WWOX: variants seen among roughly 807,000 people sequenced by gnomAD.
WWOX encodes the protein WW domain-containing oxidoreductase.
Under a neutral mutation model 46.2 loss-of-function variants are expected in WWOX, and 69 were observed. The ratio of observed to expected loss-of-function variants is 1.49; its 90% CI spans 1.23 to 1.82. WWOX has a LOEUF of 1.82. Ranked by LOEUF, WWOX falls within the 40% of genes most tolerant of loss-of-function variation. WWOX has a pLI of 0.00. For synonymous variants in WWOX, 359 were observed against 202.6 expected (o/e 1.77, Z -6.56); for missense variants, 919 against 542.6 (o/e 1.69, Z -6.89).
chr16:78,651,247 A>T (rs904836984), intron 8 of WWOX, among the ~76,000 whole-genome samples: 1 of 152,264 alleles, frequency 6.6e-6, no homozygotes, highest in African/African-American at 2.4e-5. Flanking sequence ...TGGCATGCTT[A>T]AACAAGAAAG....
intron 6 of WWOX, among the ~76,000 whole-genome samples, chr16:78,399,643 A>G (rs1597166521): frequency 1.3e-5 from 2 of 152,312 alleles, no homozygotes; most frequent in East Asian, 3.9e-4. Flanking sequence ...GGTTACTCTC[A>G]GAGAACTCTC....
intron 8 of WWOX, among the ~76,000 whole-genome samples, chr16:78,586,986 C>A (rs149408180): frequency 6.6e-6 from 1 of 152,092 alleles, no homozygotes; most frequent in Non-Finnish European, 1.5e-5. Flanking sequence ...AAAACCTCTA[C>A]TAATTCATGA....
intron 5 of WWOX, among the ~76,000 whole-genome samples, chr16:78,380,923 G>A (rs1322590374): frequency 1.3e-5 from 2 of 152,136 alleles, no homozygotes; most frequent in African/African-American, 2.4e-5. Context: ...TATATTGAGA[G>A]CCCATTGTGT....
At chr16:78,357,382 C>T (rs1418180035) in intron 5 of WWOX, among the ~76,000 whole-genome samples, 1 of 152,156 alleles carries the variant, frequency 6.6e-6, no homozygotes, top group Non-Finnish European at 1.5e-5. Flanking sequence ...TGCCATCTTG[C>T]TTCTCCCTGC....
At chr16:78,272,449 CTGGCTTAGGGGT>C (rs1206758276) in intron 5 of WWOX, among the ~76,000 whole-genome samples, 1 of 152,176 alleles carries the variant, frequency 6.6e-6, no homozygotes, top group African/African-American at 2.4e-5. Flanking sequence ...TTCTTATGGC[CTGGCTTAGGGGT>C]TGGCACAGCA....
intron 8 of WWOX, among the ~76,000 whole-genome samples, chr16:78,608,836 A>G (rs964047257): frequency 6.6e-6 from 1 of 152,078 alleles, no homozygotes; most frequent in African/African-American, 2.4e-5. Flanking sequence ...TCTAGCCTTT[A>G]TAGAAATGAC....
At position 78,723,574 on chromosome 16, in the gene WWOX, T is replaced by C. The variant is rs1240284752; in HGVS notation, c.1056+290822T>C. On this transcript the variant is annotated intron_variant, in intron 8 of 8. Transcript: ENST00000566780. Reference sequence around the variant, plus strand: ...CCAGCCTTCTTTTCTTTTCTTTTCTTTTCTTTTCTTTTCTTTTCTTTTCTT... The same window carrying C: ...CCAGCCTTCTTTTCTTTTCTTTTCTCTTCTTTTCTTTTCTTTTCTTTTCTT... Among the ~76,000 whole-genome samples, 40 of 45,938 alleles carry C rather than the reference T, an allele frequency of 8.7e-4. 1 individual carries two copies. Among genetic ancestry groups the C allele is most frequent in the African/African-American group, 4.5e-3 (37 of 8,268 alleles). The allele number at this position is 45,938 out of a possible 152,430, so 30.1% of individuals were successfully genotyped here.
intron 5 of WWOX, among the ~76,000 whole-genome samples, chr16:78,231,757 C>G (rs1315150783): frequency 6.6e-6 from 1 of 152,152 alleles, no homozygotes; most frequent in East Asian, 1.9e-4. Flanking sequence ...GTAGCTGATT[C>G]AGAGAAATCC....
At chr16:78,867,397 C>G (rs1485166736) in intron 8 of WWOX, among the ~76,000 whole-genome samples, 1 of 152,010 alleles carries the variant, frequency 6.6e-6, no homozygotes, top group Non-Finnish European at 1.5e-5. Context: ...CACATCTTAC[C>G]TCAACTGGTG....
intron 8 of WWOX, among the ~76,000 whole-genome samples, chr16:78,797,041 G>A (rs975215592): frequency 6.6e-6 from 1 of 151,938 alleles, no homozygotes; most frequent in East Asian, 1.9e-4. Flanking sequence ...GGCCAGTCTG[G>A]TCTGGAACAC....
At chr16:79,132,184 C>T (rs960700968) in intron 8 of WWOX, among the ~76,000 whole-genome samples, 1 of 151,680 alleles carries the variant, frequency 6.6e-6, no homozygotes, top group East Asian at 1.9e-4. Flanking sequence ...CTACGTCCTA[C>T]ATCCCTGTAC....
At chr16:78,590,377 A>G (rs939838844) in intron 8 of WWOX, among the ~76,000 whole-genome samples, 3 of 152,168 alleles carry the variant, frequency 2.0e-5, no homozygotes, top group Non-Finnish European at 4.4e-5. Context: ...TTATAGTATT[A>G]AGGAAGACAG....
At chr16:78,849,368 G>C (rs1433543576) in intron 8 of WWOX, among the ~76,000 whole-genome samples, 2 of 151,326 alleles carry the variant, frequency 1.3e-5, no homozygotes, top group South Asian at 4.2e-4. Context: ...TCGGGAGATC[G>C]AGACTATCCT....
chr16:78,202,737 C>G (rs2036271317), intron 5 of WWOX, among the ~76,000 whole-genome samples: 4 of 151,754 alleles, frequency 2.6e-5, no homozygotes, highest in African/African-American at 9.7e-5. Flanking sequence ...TGTCTCTGTA[C>G]TGTGTCCCCA....
chr16:78,681,368 T>C (rs2047724938), intron 8 of WWOX, among the ~76,000 whole-genome samples: 1 of 152,136 alleles, frequency 6.6e-6, no homozygotes. Flanking sequence ...CTTGCCACTA[T>C]ACATCAGTCT....
At chr16:79,085,992 C>A (rs866845337) in intron 8 of WWOX, among the ~76,000 whole-genome samples, 1 of 151,968 alleles carries the variant, frequency 6.6e-6, no homozygotes, top group African/African-American at 2.4e-5. Context: ...GGATCGCTTG[C>A]ATCCAGGAGG....
At chr16:78,631,382 C>T (rs1166127968) in intron 8 of WWOX, among the ~76,000 whole-genome samples, 2 of 152,130 alleles carry the variant, frequency 1.3e-5, no homozygotes, top group Non-Finnish European at 2.9e-5. Flanking sequence ...AAACAGAACT[C>T]AAACTGACGA....
chr16:78,552,738 T>C (rs1349664578), intron 8 of WWOX: 2 of 152,270 alleles, frequency 1.3e-5, no homozygotes, highest in Non-Finnish European at 2.9e-5. Context: ...GTTCATTTAA[T>C]TACTCATTCT....
intron 6 of WWOX, among the ~76,000 whole-genome samples, chr16:78,389,735 T>A (rs1442666652): frequency 3.3e-5 from 5 of 152,020 alleles, no homozygotes; most frequent in Admixed American, 3.3e-4. Context: ...TACTATACTG[T>A]GTTTCATTTT....
Sources: gnomAD v4.1 joint callset for allele counts (sites outside exome capture counted in the v4.1 genomes callset) on GRCh38, gnomAD v4.1.1 for gene constraint, MANE v1.5 for transcripts, NCBI Gene and HGNC (gene_info 2026-07-23, HGNC 2026-07-21) for gene names.